RAB14: variants seen among roughly 807,000 people sequenced by gnomAD.
RAB14 encodes the protein ras-related protein Rab-14.
In RAB14, 3 loss-of-function variants were observed where a neutral mutation model predicts 31.1. The observed-to-expected ratio is 0.10, with a 90% confidence interval of 0.04 to 0.25. RAB14 has a LOEUF of 0.25. Ranked by LOEUF, RAB14 falls within the 10% of genes least tolerant of loss-of-function variation. RAB14 has a pLI of 1.00. For missense variants in RAB14, 111 were observed against 260.1 expected, an observed-to-expected ratio of 0.43 and a Z score of 3.94; for synonymous variants, 85 against 84.9, an observed-to-expected ratio of 1.00 and a Z score of 0.00.
At chr9:121,194,746 C>T (rs1180942521) in intron 1 of RAB14, among the ~76,000 whole-genome samples, 1 of 152,070 alleles carries the variant, frequency 6.6e-6, no homozygotes, top group Non-Finnish European at 1.5e-5. Context: ...TACTATATAC[C>T]ATATTTCAAG....
rs2053612624 is a variant in RAB14, at chr9:121,178,657, GTAC to G, written c.*2736_*2738del. The G allele has an allele frequency of 1.3e-5, 2 of 152,250 alleles. No individual in the cohort carries two copies. Among genetic ancestry groups the G allele is most frequent in the Admixed American group, 1.3e-4 (2 of 15,262 alleles). 9.4% of individuals were successfully genotyped at this position (152,250 alleles called of 1,614,324 possible). On this transcript the variant is annotated 3_prime_UTR_variant, in exon 8 of 8. Transcript: ENST00000373840. ...CAAAAGACACCTTTCCAAAGAAATT[GTAC>G]TACCTCTATTAACGTGTAAACCACC...
intron 1 of RAB14, among the ~76,000 whole-genome samples, chr9:121,200,485 C>A (rs2053756418): frequency 6.6e-6 from 1 of 152,178 alleles, no homozygotes; most frequent in Non-Finnish European, 1.5e-5. Flanking sequence ...CCTCTTGGAA[C>A]CCGTTTCTTC....
At chr9:121,187,360 T>C (rs554756355) in intron 4 of RAB14, among the ~76,000 whole-genome samples, 1 of 152,200 alleles carries the variant, frequency 6.6e-6, no homozygotes, top group East Asian at 1.9e-4. Flanking sequence ...TCAAATTACT[T>C]TGAAATCATA....
chr9:121,197,732 C>T (rs1277711825), intron 1 of RAB14, among the ~76,000 whole-genome samples: 1 of 152,100 alleles, frequency 6.6e-6, no homozygotes, highest in Non-Finnish European at 1.5e-5. Flanking sequence ...AAAATCTTAA[C>T]AATAATCCAA....
chr9:121,193,295 T>C (rs2053696676), intron 2 of RAB14, 66 bp downstream of exon 2: 1 of 1,090,742 alleles, frequency 9.2e-7, no homozygotes, highest in Non-Finnish European at 1.4e-6. Flanking sequence ...GTTTAAGTAT[T>C]AACATATAAA....
chr9:121,181,668 G>C (rs955808889), intron 7 of RAB14, 95 bp from the exon 8 acceptor site: 1 of 913,662 alleles, frequency 1.1e-6, no homozygotes, highest in African/African-American at 1.7e-5. Context: ...CTGCCATGAT[G>C]TCTCCAACTT....
chr9:121,190,736 T>C lies in RAB14; in HGVS notation c.107-5A>G, dbSNP rs1564320556. 2 of 1,610,502 alleles carry C rather than the reference T, an allele frequency of 1.2e-6. No homozygotes were observed. The highest frequency in any genetic ancestry group is 1.3e-5 in the African/African-American group (1 of 74,566). ...TGTGAGGACAATCAGCCATAACTGTTAAGGAGGAAAAAAAGTAATAGCCCA... is the reference window on the plus strand; with the variant it reads ...TGTGAGGACAATCAGCCATAACTGTCAAGGAGGAAAAAAAGTAATAGCCCA... On this transcript the variant is annotated splice_polypyrimidine_tract_variant and splice_region_variant and intron_variant, in intron 3 of 7. Transcript: ENST00000373840.
chr9:121,198,043 A>G (rs2053728338), intron 1 of RAB14, among the ~76,000 whole-genome samples: 1 of 151,570 alleles, frequency 6.6e-6, no homozygotes, highest in African/African-American at 2.4e-5. Context: ...ACACACACAC[A>G]CTCAACCCTA....
Position 121,180,895 on chromosome 9 carries a change from C to T in RAB14, c.*501G>A, listed in dbSNP as rs752252675. On this transcript the variant is annotated 3_prime_UTR_variant, in exon 8 of 8. Coordinates refer to ENST00000373840, the MANE Select transcript of RAB14 (RefSeq NM_016322.4). ...GTTAAGAAAAATGCCACCCACACAA[C>T]AGGAAATTTATCCAAAACAAAACAA... 1 of 152,686 alleles carries T rather than the reference C, an allele frequency of 6.5e-6. No individual in the cohort carries two copies. The highest frequency in any genetic ancestry group is 1.5e-5 in the Non-Finnish European group (1 of 68,092). 9.5% of individuals were successfully genotyped at this position (152,686 alleles called of 1,614,324 possible).
chr9:121,199,512 C>CT (rs2053739801), intron 1 of RAB14, among the ~76,000 whole-genome samples: 1 of 152,140 alleles, frequency 6.6e-6, no homozygotes, highest in Non-Finnish European at 1.5e-5. Flanking sequence ...TTACCTTAAT[C>CT]AAGTTTCCTC....
intron 1 of RAB14, among the ~76,000 whole-genome samples, chr9:121,197,980 CAT>C (rs900889596): frequency 5.9e-5 from 9 of 151,894 alleles, no homozygotes; most frequent in East Asian, 1.9e-4. Context: ...TGAAAAAACA[CAT>C]GTTGCAGAGT....
chr9:121,194,495 G>A (rs1474369970), intron 1 of RAB14, among the ~76,000 whole-genome samples: 1 of 152,126 alleles, frequency 6.6e-6, no homozygotes, highest in Non-Finnish European at 1.5e-5. Context: ...CACGTGCTAG[G>A]TCCTAGAGAG....
chr9:121,199,126 C>CA (rs869261220), intron 1 of RAB14, among the ~76,000 whole-genome samples: 47 of 151,486 alleles, frequency 3.1e-4, no homozygotes, highest in Admixed American at 8.5e-4. Flanking sequence ...ACCAAAAAGC[C>CA]AAAAAAAACC....
At position 121,178,748 on chromosome 9, in the gene RAB14, C is replaced by T. The variant is rs1425465495; in HGVS notation, c.*2648G>A. ...TTATTATCCATAAAAAAGACTTCAA[C>T]ATTGTACTGGAAGATCTATTTAAGC... On this transcript the variant is annotated 3_prime_UTR_variant, in exon 8 of 8. Transcript: ENST00000373840. 6.6e-6 allele frequency: 1 copy of T among 152,164 alleles called. No homozygotes were observed. The highest frequency in any genetic ancestry group is 1.5e-5 in the Non-Finnish European group (1 of 68,034). 9.4% of individuals were successfully genotyped at this position (152,164 alleles called of 1,614,324 possible).
At chr9:121,182,783 G>C in intron 7 of RAB14, 147 bp downstream of exon 7, 1 of 481,166 alleles carries the variant, frequency 2.1e-6, no homozygotes, top group East Asian at 3.5e-5. Flanking sequence ...GAAGCAAAGA[G>C]ATGTTTGCTG....
chr9:121,191,612 A>G (rs967539959), intron 3 of RAB14, among the ~76,000 whole-genome samples: 3 of 152,142 alleles, frequency 2.0e-5, no homozygotes, highest in East Asian at 1.9e-4. Context: ...TAAACCCACC[A>G]TTCTCCAGTA....
chr9:121,198,670 A>G (rs1018053119), intron 1 of RAB14, among the ~76,000 whole-genome samples: 1 of 152,218 alleles, frequency 6.6e-6, no homozygotes, highest in Non-Finnish European at 1.5e-5. Flanking sequence ...GTTCCAACAT[A>G]AACATATCTG....
chr9:121,198,265 C>A (rs2053729766), intron 1 of RAB14, among the ~76,000 whole-genome samples: 1 of 152,130 alleles, frequency 6.6e-6, no homozygotes, highest in Non-Finnish European at 1.5e-5. Context: ...ACAAACAAAT[C>A]TCCCACTCAT....
At position 121,201,720 on chromosome 9, in the gene RAB14, G is replaced by A. The variant is rs962154302; in HGVS notation, c.-89C>T. ...AGGAACAGGAGTGCGGACGCAGCGG[G>A]AGAGGGGGCGGGGGCGGTCGACCGA... On this transcript the variant is annotated 5_prime_UTR_variant, in exon 1 of 8. Coordinates refer to ENST00000373840, the MANE Select transcript of RAB14 (RefSeq NM_016322.4). 1.3e-5 allele frequency: 2 copies of A among 152,688 alleles called. No individual in the cohort carries two copies. Among genetic ancestry groups the A allele is most frequent in the African/African-American group, 4.8e-5 (2 of 41,434 alleles). The allele number at this position is 152,688 out of a possible 1,614,324, so 9.5% of individuals were successfully genotyped here. A position where few individuals can be genotyped will look rare whatever the true frequency, so the allele number is the denominator to read the frequency against.
Sources: allele counts gnomAD v4.1 joint callset (sites outside exome capture counted in the v4.1 genomes callset), GRCh38; gene constraint gnomAD v4.1.1; transcripts MANE v1.5; gene names NCBI Gene and HGNC (gene_info 2026-07-23, HGNC 2026-07-21).